Variants in HAUS5 observed in about 807,000 individuals in gnomAD.
HAUS5 encodes HAUS augmin like complex subunit 5, also known as HAUS augmin-like complex subunit 5.
In HAUS5, 67 loss-of-function variants were observed where a neutral mutation model predicts 94.1. That is an observed-to-expected ratio of 0.71 (90% CI 0.58 to 0.87). HAUS5 has a LOEUF of 0.87. Among genes scored for constraint, HAUS5 ranks in the 40% least tolerant of loss-of-function variants. The probability of loss-of-function intolerance (pLI) is 0.00; values close to 1 mark genes in which losing one functional copy is unlikely to be tolerated. For synonymous variants in HAUS5, 339 were observed against 355.4 expected, an observed-to-expected ratio of 0.95 and a Z score of 0.52; for missense variants, 739 against 825.6, an observed-to-expected ratio of 0.90 and a Z score of 1.29.
chr19:35,614,089 T>A lies in HAUS5; in HGVS notation c.219+30T>A, dbSNP rs757856427. On this transcript the variant is annotated intron_variant, in intron 4 of 18. Coordinates refer to ENST00000203166, the MANE Select transcript of HAUS5 (RefSeq NM_015302.2). ...GAAGCATATGCTACAAGATTCTCTTTCATCCGAAAAATGACTTGTAGATCT... is the reference window on the plus strand; with the variant it reads ...GAAGCATATGCTACAAGATTCTCTTACATCCGAAAAATGACTTGTAGATCT... 5.6e-6 allele frequency: 9 copies of A among 1,605,728 alleles called. No homozygotes were observed. In the South Asian group the frequency reaches 7.7e-5, roughly 14 times the overall value.
chr19:35,622,137 TG>T (rs1175938092), intron 17 of HAUS5, among the ~76,000 whole-genome samples: 1 of 152,016 alleles, frequency 6.6e-6, no homozygotes, highest in East Asian at 1.9e-4. Flanking sequence ...GACTCTGCCT[TG>T]GGGGCACTGG....
intron 1 of HAUS5, 66 bp from the exon 2 acceptor site, chr19:35,613,664 C>A: frequency 6.9e-7 from 1 of 1,456,338 alleles, no homozygotes; most frequent in South Asian, 1.1e-5. Context: ...CCACCATCAC[C>A]CTAGGAATGA....
Position 35,623,048 on chromosome 19 carries a change from C to A in HAUS5, c.*55C>A. 8.6e-7 allele frequency: 1 copy of A among 1,158,568 alleles called. No individual in the cohort carries two copies. The highest frequency in any genetic ancestry group is 1.3e-6 in the Non-Finnish European group (1 of 789,694). 71.8% of individuals were successfully genotyped at this position (1,158,568 alleles called of 1,614,324 possible). Reference sequence around the variant, plus strand: ...TGACACTGTTCACCCCAACACCTCACCTCCCCCAGGACATTTGGAAGAAAG... The same window carrying A: ...TGACACTGTTCACCCCAACACCTCAACTCCCCCAGGACATTTGGAAGAAAG... On this transcript the variant is annotated 3_prime_UTR_variant, in exon 19 of 19. Coordinates refer to ENST00000203166, the MANE Select transcript of HAUS5 (RefSeq NM_015302.2).
intron 6 of HAUS5, 38 bp downstream of exon 6, chr19:35,615,424 C>G: frequency 6.5e-7 from 1 of 1,537,954 alleles, no homozygotes; most frequent in Non-Finnish European, 8.8e-7. Context: ...GGCTGGGTGG[C>G]CAGACATTCT....
chr19:35,618,277 C>T, intron 10 of HAUS5, 82 bp downstream of exon 10: 2 of 1,600,248 alleles, frequency 1.2e-6, no homozygotes, highest in African/African-American at 1.3e-5. Flanking sequence ...CTGGCCCAGC[C>T]ACCTGCTGAT....
chr19:35,618,781 G>T, intron 12 of HAUS5, 82 bp downstream of exon 12: 1 of 1,525,326 alleles, frequency 6.6e-7, no homozygotes, highest in Non-Finnish European at 8.8e-7. Flanking sequence ...AGCCTCTGTG[G>T]CTCCTATCTC....
chr19:35,613,015 C>T (rs7257132), intron 1 of HAUS5, 123 bp downstream of exon 1: 1 of 699,120 alleles, frequency 1.4e-6, no homozygotes, highest in East Asian at 3.2e-5. Flanking sequence ...ACCCGACTTA[C>T]TGAGGGCTCC....
rs756035655 is a variant in HAUS5 at position 35,618,413 on chromosome 19, C to G, written c.833C>G (p.Pro278Arg). 6.2e-7 allele frequency: 1 copy of G among 1,613,216 alleles called. No individual in the cohort carries two copies. The highest frequency in any genetic ancestry group is 2.2e-5 in the East Asian group (1 of 44,878). The change falls in exon 11 of 19, where the codon CCG becomes CGG. Residue 278 changes from proline to arginine, a missense_variant. Pro to Arg is a moderately radical substitution (Grantham distance 103). Transcript: ENST00000203166. ...GDTEISRPQA[P>R]DQSDSSQTLP... Reference sequence around the variant, plus strand: ...TTCCCCCACCCCAGACCCCAGGCCCCGGACCAGTCAGACTCCAGCCAGACC... The same window carrying G: ...TTCCCCCACCCCAGACCCCAGGCCCGGGACCAGTCAGACTCCAGCCAGACC...
At chr19:35,619,159 A>C in intron 13 of HAUS5, 110 bp downstream of exon 13, 1 of 1,180,674 alleles carries the variant, frequency 8.5e-7, no homozygotes, top group East Asian at 2.6e-5. Context: ...TGGTTCCAGC[A>C]CTTTGGGAGG....
rs1408378571 is a variant in HAUS5, at chr19:35,619,764, A to C, written c.1406+6A>C. The C allele has an allele frequency of 3.9e-6, 6 of 1,539,830 alleles. No individual in the cohort carries two copies. Among genetic ancestry groups the C allele is most frequent in the Non-Finnish European group, 4.4e-6 (5 of 1,141,912 alleles). On this transcript the variant is annotated splice_donor_region_variant and intron_variant, in intron 15 of 18. Transcript: ENST00000203166. ...CTGCGGCACAGGCCGGGAGAGTGAGACTGGGGCTGCCCCACCCCTGCCCTG... is the reference window on the plus strand; with the variant it reads ...CTGCGGCACAGGCCGGGAGAGTGAGCCTGGGGCTGCCCCACCCCTGCCCTG...
At position 35,612,778 on chromosome 19, in the gene HAUS5, G is replaced by A; in HGVS notation, c.-17G>A. The A allele has an allele frequency of 1.3e-6, 2 of 1,537,260 alleles. No homozygotes were observed. Among genetic ancestry groups the A allele is most frequent in the South Asian group, 1.2e-5 (1 of 83,370 alleles). On this transcript the variant is annotated 5_prime_UTR_variant, in exon 1 of 19. Transcript: ENST00000203166. The stretch of plus-strand genomic sequence containing the variant: ...TGAAGAGGCTGAGGGAGGCGGTGTC[G>A]CCGCCGCGGCGCTGTCATGGAGCTA...
chr19:35,614,123 A>G (rs1456841057), intron 4 of HAUS5, 64 bp downstream of exon 4: 5 of 1,447,946 alleles, frequency 3.5e-6, no homozygotes, highest in South Asian at 2.3e-5. Flanking sequence ...CTTCTGCTCT[A>G]AGCCCAACCA....
At chr19:35,617,794 A>G (rs1337126610) in intron 8 of HAUS5, 61 bp from the exon 9 acceptor site, 3 of 1,417,808 alleles carry the variant, frequency 2.1e-6, no homozygotes. Context: ...GGTGGTGGTG[A>G]TAACTAGAGG....
At position 35,622,668 on chromosome 19, in the gene HAUS5, G is replaced by A; in HGVS notation, c.1719G>A (p.Arg573=). The A allele has an allele frequency of 6.2e-7, 1 of 1,614,084 alleles. No individual in the cohort carries two copies. Among genetic ancestry groups the A allele is most frequent in the Non-Finnish European group, 8.5e-7 (1 of 1,180,002 alleles). ...AGAACCTGGGGCAGGCTCTGAAGAG[G>A]CTGGAGAAGCTACTGAAACAGGCAC... The part of the protein sequence containing the change: ...QKENLGQALK[R]LEKLLKQALE... Residue 573 remains arginine (R), a synonymous_variant, in exon 18 of 19, where the codon AGG becomes AGA. Coordinates refer to ENST00000203166, the MANE Select transcript of HAUS5 (RefSeq NM_015302.2).
Position 35,622,888 on chromosome 19 carries a change from A to G in HAUS5, c.1797A>G (p.Pro599=). 2 of 1,613,980 alleles carry G rather than the reference A, an allele frequency of 1.2e-6. No individual in the cohort carries two copies. Among genetic ancestry groups the G allele is most frequent in the Non-Finnish European group, 8.5e-7 (1 of 1,179,900 alleles). Residue 599 remains proline (P), a synonymous_variant, in exon 19 of 19, where the codon CCA becomes CCG. Coordinates refer to ENST00000203166, the MANE Select transcript of HAUS5 (RefSeq NM_015302.2). ...TGCCATTCCCCAGGTGGGAGCAGCC[A>G]GGCCAGGCCGCCCTCTCTGAGGAGC... ...QGIVGDWWEQ[P]GQAALSEELC...
At chr19:35,622,293 G>A (rs533041872) in intron 17 of HAUS5, among the ~76,000 whole-genome samples, 1 of 151,900 alleles carries the variant, frequency 6.6e-6, no homozygotes, top group Admixed American at 6.5e-5. Flanking sequence ...GAGACTGAGC[G>A]GACAGGCCAT....
rs772629534 is a variant in HAUS5 at position 35,619,538 on chromosome 19, G to A, written c.1260+34G>A. 5.6e-6 allele frequency: 9 copies of A among 1,606,922 alleles called. No individual in the cohort carries two copies. In the South Asian group the frequency reaches 8.9e-5, roughly 16 times the overall value. On this transcript the variant is annotated intron_variant, in intron 14 of 18. Transcript: ENST00000203166. ...GGAGTTGGGGTGAGGTCTGGGTAGG[G>A]CTGGATCTGCCAGGATGGGGCTGGG...
At chr19:35,622,831 C>G (rs780298659) in intron 18 of HAUS5, 45 bp from the exon 19 acceptor site, 2 of 1,604,266 alleles carry the variant, frequency 1.2e-6, no homozygotes, top group African/African-American at 2.7e-5. Flanking sequence ...CAGGGAGGGT[C>G]TGGAGGGTCA....
At position 35,618,982 on chromosome 19, in the gene HAUS5, A is replaced by G. The variant is rs778138270; in HGVS notation, c.1112A>G (p.His371Arg). The stretch of plus-strand genomic sequence containing the variant: ...CAGGAGCTGCAGGATGCAGCTGGGC[A>G]TCGGCAGCTCCTGCTGAGGGAGCTA... ...QSQELQDAAG[H>R]RQLLLRELQA... The change falls in exon 13 of 19, where the codon CAT becomes CGT. Residue 371 changes from histidine to arginine, a missense_variant. Physicochemically the swap from His to Arg is conservative, Grantham distance 29 (BLOSUM62 0). Transcript: ENST00000203166. 1 of 1,613,200 alleles carries G rather than the reference A, an allele frequency of 6.2e-7. No homozygotes were observed. Among genetic ancestry groups the G allele is most frequent in the South Asian group, 1.1e-5 (1 of 91,008 alleles).
Sources: allele counts gnomAD v4.1 joint callset (sites outside exome capture counted in the v4.1 genomes callset), GRCh38; gene constraint gnomAD v4.1.1; transcripts MANE v1.5; gene names NCBI Gene and HGNC (gene_info 2026-07-23, HGNC 2026-07-21).